The following LIN28B variants were observed in gnomAD, a reference collection of about 807,000 sequenced individuals.
LIN28B encodes the protein protein lin-28 homolog B.
Under a neutral mutation model 21.9 loss-of-function variants are expected in LIN28B, and 5 were observed. The observed-to-expected ratio is 0.23, with a 90% CI of 0.12 to 0.48. The LOEUF (loss-of-function observed/expected upper bound fraction) is 0.48, where lower values mean the gene tolerates loss of function less well. Among genes scored for constraint, LIN28B ranks in the 20% least tolerant of loss-of-function variants. LIN28B has a pLI of 0.98. For synonymous variants in LIN28B, 109 were observed against 111.3 expected (o/e 0.98, Z 0.13); for missense variants, 245 against 310.5 (o/e 0.79, Z 1.58).
At chr6:105,043,410 C>G (rs183033026) in intron 3 of LIN28B, among the ~76,000 whole-genome samples, 1 of 112,914 alleles carries the variant, frequency 8.9e-6, no homozygotes. Context: ...TAAAAGAAAA[C>G]ACATGAGTAA....
intron 2 of LIN28B, among the ~76,000 whole-genome samples, chr6:105,006,939 G>A (rs1276665921): frequency 6.6e-6 from 1 of 152,178 alleles, no homozygotes; most frequent in Non-Finnish European, 1.5e-5. Context: ...GCCTGCTTTT[G>A]TCCGGAAGAC....
At chr6:105,039,694 GA>G (rs2114363407) in intron 3 of LIN28B, among the ~76,000 whole-genome samples, 1 of 152,184 alleles carries the variant, frequency 6.6e-6, no homozygotes, top group East Asian at 1.9e-4. Flanking sequence ...AAGTTATTTT[GA>G]AACCTTCAGT....
intron 3 of LIN28B, among the ~76,000 whole-genome samples, chr6:105,030,737 C>T (rs993338994): frequency 2.6e-5 from 4 of 151,584 alleles, no homozygotes; most frequent in Admixed American, 2.6e-4. Context: ...GCCGGGACTA[C>T]AGGTGTGCAC....
chr6:105,012,356 C>A (rs992823217), intron 2 of LIN28B, among the ~76,000 whole-genome samples: 66 of 151,856 alleles, frequency 4.3e-4, no homozygotes, highest in African/African-American at 1.5e-3. Context: ...GTAATCCCAG[C>A]TACTCAGGAG....
At chr6:104,948,729 CTT>C (rs1311580591) in intron 2 of LIN28B, among the ~76,000 whole-genome samples, 1 of 152,096 alleles carries the variant, frequency 6.6e-6, no homozygotes, top group Non-Finnish European at 1.5e-5. Flanking sequence ...TTTTTCTACT[CTT>C]GTTTTTGAAC....
intron 2 of LIN28B, 74 bp downstream of exon 2, chr6:104,958,360 A>T (rs184738484): frequency 1.7e-6 from 2 of 1,184,314 alleles, no homozygotes; most frequent in East Asian, 4.9e-5. Context: ...ATGCCAATAG[A>T]CGTACGATAA....
rs1772555003 is a variant in LIN28B at position 105,082,288 on chromosome 6, C to G, written c.*3505C>G. 1 of 152,576 alleles carries G rather than the reference C, an allele frequency of 6.6e-6. No individual in the cohort carries two copies. Among genetic ancestry groups the G allele is most frequent in the African/African-American group, 2.4e-5 (1 of 41,438 alleles). 9.5% of individuals were successfully genotyped at this position (152,576 alleles called of 1,614,324 possible). A position where few individuals can be genotyped will look rare whatever the true frequency, so the allele number is the denominator to read the frequency against. On this transcript the variant is annotated 3_prime_UTR_variant, in exon 4 of 4. Coordinates refer to ENST00000345080, the MANE Select transcript of LIN28B (RefSeq NM_001004317.4). Reference sequence around the variant, plus strand: ...TAGCATCAGTCCACCTCCAATATTGCCGATACTTTTTTTATTCTGGCTCAG... The same window carrying G: ...TAGCATCAGTCCACCTCCAATATTGGCGATACTTTTTTTATTCTGGCTCAG...
chr6:104,939,055 TAAAA>T (rs374303300), intron 2 of LIN28B, among the ~76,000 whole-genome samples: 1 of 151,892 alleles, frequency 6.6e-6, no homozygotes, highest in Admixed American at 6.6e-5. Context: ...ACATAGCTAT[TAAAA>T]AAAACAGTTC....
rs572081993 is a variant in LIN28B at position 104,987,615 on chromosome 6, T to G, written c.198+29329T>G. Among the ~76,000 whole-genome samples the G allele has an allele frequency of 2.0e-5, 3 of 152,304 alleles. No individual in the cohort carries two copies. The East Asian group carries it at 5.8e-4, about 29-fold the overall frequency. ...TACTGGGATTACAGGTGTGAGCCAC[T>G]GCACCCAATCATTTTATAAATTATT... On this transcript the variant is annotated intron_variant, in intron 2 of 3. Transcript: ENST00000345080.
chr6:105,048,525 G>T (rs1299387050), intron 3 of LIN28B, among the ~76,000 whole-genome samples: 2 of 152,286 alleles, frequency 1.3e-5, no homozygotes, highest in East Asian at 3.9e-4. Context: ...GATGATGCCG[G>T]CCTCATAAAA....
intron 3 of LIN28B, among the ~76,000 whole-genome samples, chr6:105,058,375 C>T (rs1417231764): frequency 6.6e-6 from 1 of 152,160 alleles, no homozygotes; most frequent in Non-Finnish European, 1.5e-5. Flanking sequence ...TAGTTTTGGG[C>T]AGGGTTTCCA....
At chr6:104,972,174 G>A (rs574949336) in intron 2 of LIN28B, among the ~76,000 whole-genome samples, 6 of 152,148 alleles carry the variant, frequency 3.9e-5, no homozygotes, top group Non-Finnish European at 7.4e-5. Context: ...ATTTCACCAT[G>A]TTGGCCAGGC....
At chr6:105,031,611 G>A (rs1192238545) in intron 3 of LIN28B, among the ~76,000 whole-genome samples, 1 of 150,328 alleles carries the variant, frequency 6.7e-6, no homozygotes, top group Non-Finnish European at 1.5e-5. Context: ...TTGGCTCACT[G>A]CAAGCTCTGC....
chr6:104,975,841 CTTTT>C (rs532004311), intron 2 of LIN28B, among the ~76,000 whole-genome samples: 1 of 135,376 alleles, frequency 7.4e-6, no homozygotes, highest in Non-Finnish European at 1.6e-5. Flanking sequence ...TCTTCTTCTT[CTTTT>C]TTTTTTTTTT....
intron 2 of LIN28B, among the ~76,000 whole-genome samples, chr6:104,973,340 G>T (rs2114593538): frequency 6.6e-6 from 1 of 152,198 alleles, no homozygotes; most frequent in African/African-American, 2.4e-5. Flanking sequence ...TAATAGAATA[G>T]AATTCATTAT....
In LIN28B at chr6:105,082,190, A is replaced by T. The variant is rs1286120055; in HGVS notation, c.*3407A>T. On this transcript the variant is annotated 3_prime_UTR_variant, in exon 4 of 4. Transcript: ENST00000345080. ...ATTTTTGCAGTTGAAAGATTTAGAAAGATTTTTACCTGCTTATAACTTGGA... is the reference window on the plus strand; with the variant it reads ...ATTTTTGCAGTTGAAAGATTTAGAATGATTTTTACCTGCTTATAACTTGGA... 6.6e-6 allele frequency: 1 copy of T among 152,640 alleles called. No individual in the cohort carries two copies. Among genetic ancestry groups the T allele is most frequent in the African/African-American group, 2.4e-5 (1 of 41,454 alleles). 9.5% of individuals were successfully genotyped at this position (152,640 alleles called of 1,614,324 possible).
At chr6:105,002,111 C>T (rs1770731699) in intron 2 of LIN28B, among the ~76,000 whole-genome samples, 1 of 150,976 alleles carries the variant, frequency 6.6e-6, no homozygotes, top group South Asian at 2.1e-4. Flanking sequence ...CCCGGGGCTT[C>T]CTGACCCTTC....
chr6:105,055,434 G>A (rs1321086324), intron 3 of LIN28B, among the ~76,000 whole-genome samples: 2 of 152,136 alleles, frequency 1.3e-5, no homozygotes, highest in East Asian at 3.8e-4. Flanking sequence ...GAAGAGATCT[G>A]TGCAAAGGAG....
upstream of LIN28B, chr6:104,956,958 T>G: frequency 3.3e-6 from 2 of 612,010 alleles, no homozygotes; most frequent in Non-Finnish European, 5.1e-6. Context: ...ATTATTTTGA[T>G]GTCAGCATAG....
Sources: gnomAD v4.1 joint callset for allele counts (sites outside exome capture counted in the v4.1 genomes callset) on GRCh38, gnomAD v4.1.1 for gene constraint, MANE v1.5 for transcripts, NCBI Gene and HGNC (gene_info 2026-07-23, HGNC 2026-07-21) for gene names.